Variants in TAFA1 observed in about 807,000 individuals in gnomAD.
The protein encoded by TAFA1 is chemokine-like protein TAFA-1.
A neutral mutation model predicts 18.5 loss-of-function variants in TAFA1; 4 were observed. The ratio of observed to expected loss-of-function variants is 0.22; its 90% CI spans 0.11 to 0.49. The LOEUF is 0.49. Ranked by LOEUF, TAFA1 falls within the 20% of genes least tolerant of loss-of-function variation. The pLI, the probability that TAFA1 is intolerant of heterozygous loss-of-function variation, is 0.98. For missense variants in TAFA1, 147 were observed against 169.0 expected (o/e 0.87, Z 0.72); for synonymous variants, 56 against 55.2 (o/e 1.01, Z -0.06).
intron 3 of TAFA1, among the ~76,000 whole-genome samples, chr3:68,526,183 A>G (rs2073109561): frequency 6.6e-6 from 1 of 152,168 alleles, no homozygotes; most frequent in South Asian, 2.1e-4. Flanking sequence ...GTTTCCATCA[A>G]TGCCAAGAGC....
intron 2 of TAFA1, among the ~76,000 whole-genome samples, chr3:68,287,119 A>C (rs1041520234): frequency 1.3e-5 from 2 of 152,128 alleles, no homozygotes; most frequent in African/African-American, 4.8e-5. Flanking sequence ...TGGAGACCCT[A>C]TTTGCCAAGT....
intron 2 of TAFA1, among the ~76,000 whole-genome samples, chr3:68,316,670 T>C (rs2068611087): frequency 6.6e-6 from 1 of 152,328 alleles, no homozygotes; most frequent in South Asian, 2.1e-4. Flanking sequence ...AAATATTTAT[T>C]GACCACTTTG....
chr3:68,323,577 T>C (rs2068726460), intron 2 of TAFA1, among the ~76,000 whole-genome samples: 2 of 152,208 alleles, frequency 1.3e-5, no homozygotes, highest in South Asian at 2.1e-4. Flanking sequence ...TTCAAAATTA[T>C]GATTTTTCAA....
At chr3:68,101,456 G>A (rs1029797786) in intron 2 of TAFA1, among the ~76,000 whole-genome samples, 10 of 152,000 alleles carry the variant, frequency 6.6e-5, no homozygotes, top group African/African-American at 2.4e-4. Flanking sequence ...ATGATAGACT[G>A]GATTAAGAAA....
chr3:68,377,645 A>C (rs1029644071), intron 2 of TAFA1, among the ~76,000 whole-genome samples: 2 of 152,210 alleles, frequency 1.3e-5, no homozygotes, highest in African/African-American at 4.8e-5. Context: ...GTTAATCGCC[A>C]ACACAATGGG....
At chr3:68,027,490 C>T in intron 2 of TAFA1, among the ~76,000 whole-genome samples, 1 of 152,148 alleles carries the variant, frequency 6.6e-6, no homozygotes, top group East Asian at 1.9e-4. Flanking sequence ...TGGCCTAAGA[C>T]ATGACTGGCA....
At chr3:68,344,809 G>A (rs960878482) in intron 2 of TAFA1, among the ~76,000 whole-genome samples, 6 of 152,118 alleles carry the variant, frequency 3.9e-5, no homozygotes, top group Non-Finnish European at 8.8e-5. Flanking sequence ...AAATATCCTT[G>A]AGTTATTTTA....
chr3:68,308,556 A>G (rs559058116), intron 2 of TAFA1, among the ~76,000 whole-genome samples: 41 of 152,274 alleles, frequency 2.7e-4, no homozygotes, highest in Middle Eastern at 3.4e-3. Flanking sequence ...GGAGCCACAA[A>G]AAAAAGGCTT....
chr3:68,453,695 G>A (rs1367678645), intron 3 of TAFA1, among the ~76,000 whole-genome samples: 5 of 152,178 alleles, frequency 3.3e-5, no homozygotes, highest in Admixed American at 6.5e-5. Flanking sequence ...GCAATATGCC[G>A]AAATTGTGTT....
intron 3 of TAFA1, among the ~76,000 whole-genome samples, chr3:68,490,118 A>G (rs150625350): frequency 6.6e-6 from 1 of 152,348 alleles, no homozygotes; most frequent in Non-Finnish European, 1.5e-5. Flanking sequence ...AGCTTGACAG[A>G]TTTCCAATAC....
intron 3 of TAFA1, among the ~76,000 whole-genome samples, chr3:68,478,734 C>G (rs987688877): frequency 6.6e-6 from 1 of 151,400 alleles, no homozygotes; most frequent in East Asian, 1.9e-4. Context: ...TGTGAGTGTA[C>G]AAGAAATCAA....
In TAFA1 at chr3:68,444,769, AAAATATATATAT is replaced by A. The variant is rs1415789208; in HGVS notation, c.259+27351_259+27362del. 4.7e-5 allele frequency among the ~76,000 whole-genome samples: 3 copies of A among 63,618 alleles called. No individual in the cohort carries two copies. The East Asian group carries it at 1.5e-3, about 31-fold the overall frequency. 41.7% of individuals were successfully genotyped at this position (63,618 alleles called of 152,430 possible). On this transcript the variant is annotated intron_variant, in intron 3 of 4. Transcript: ENST00000478136. Reference sequence around the variant, plus strand: ...CAACACAGCGAGACCTTGTTTCTACAAAATATATATATATATATATATATATATATATATATA... The same window carrying A: ...CAACACAGCGAGACCTTGTTTCTACAATATATATATATATATATATATATA...
In TAFA1 at chr3:68,533,301, GA is replaced by G. The variant is rs558362520; in HGVS notation, c.260-5452del. On this transcript the variant is annotated intron_variant, in intron 3 of 4. Coordinates refer to ENST00000478136, the MANE Select transcript of TAFA1 (RefSeq NM_213609.4). ...GCACATCTTATATGGTGCTGGACAA[GA>G]AAGAATGAGAATCAAGCAAAAGGGG... is the stretch of plus-strand genomic sequence containing the variant. Among the ~76,000 whole-genome samples the G allele has an allele frequency of 3.7e-4, 57 of 152,230 alleles. No individual in the cohort carries two copies. The South Asian group carries it at 5.6e-3, about 15-fold the overall frequency.
intron 2 of TAFA1, among the ~76,000 whole-genome samples, chr3:68,350,674 A>G (rs747376203): frequency 7.9e-5 from 12 of 152,154 alleles, no homozygotes; most frequent in Non-Finnish European, 1.5e-4. Flanking sequence ...AAACAGCAGG[A>G]TACATCTTCA....
chr3:68,231,813 G>C (rs1161951840), intron 2 of TAFA1, among the ~76,000 whole-genome samples: 1 of 152,150 alleles, frequency 6.6e-6, no homozygotes, highest in Non-Finnish European at 1.5e-5. Flanking sequence ...CATCATCCCA[G>C]AAAGGTTCCT....
intron 2 of TAFA1, among the ~76,000 whole-genome samples, chr3:68,316,034 A>G (rs2068600312): frequency 6.6e-6 from 1 of 152,228 alleles, no homozygotes; most frequent in African/African-American, 2.4e-5. Flanking sequence ...AGGGTGATTA[A>G]TTATATTTCA....
intron 2 of TAFA1, among the ~76,000 whole-genome samples, chr3:68,254,133 G>GTATGTATGTATGTATC (rs751671637): frequency 6.2e-4 from 69 of 111,168 alleles, no homozygotes; most frequent in Middle Eastern, 4.8e-3. Flanking sequence ...ATGTATGTAT[G>GTATGTATGTATGTATC]TATCTATCTA....
chr3:68,216,919 A>T (rs551304253), intron 2 of TAFA1, among the ~76,000 whole-genome samples: 2 of 152,248 alleles, frequency 1.3e-5, no homozygotes, highest in Non-Finnish European at 2.9e-5. Context: ...TAAAGAAATG[A>T]TCGAATAAAT....
chr3:68,034,347 G>C (rs769367353), intron 2 of TAFA1, among the ~76,000 whole-genome samples: 16 of 152,142 alleles, frequency 1.1e-4, no homozygotes, highest in African/African-American at 4.8e-5. Context: ...CTCCTTGTTT[G>C]TATAAATTCA....
Sources: gnomAD v4.1 joint callset for allele counts (sites outside exome capture counted in the v4.1 genomes callset) on GRCh38, gnomAD v4.1.1 for gene constraint, MANE v1.5 for transcripts, NCBI Gene and HGNC (gene_info 2026-07-23, HGNC 2026-07-21) for gene names.